RBFOX1: variants seen among roughly 807,000 people sequenced by gnomAD.
RBFOX1 encodes RNA binding protein fox-1 homolog 1.
In RBFOX1, 8 loss-of-function variants were observed where a neutral mutation model predicts 57.7. The observed-to-expected ratio is 0.14, with a 90% CI of 0.08 to 0.25. RBFOX1 has a LOEUF of 0.25. Among genes scored for constraint, RBFOX1 ranks in the 10% least tolerant of loss-of-function variants. The pLI, the probability that RBFOX1 is intolerant of heterozygous loss-of-function variation, is 1.00. For synonymous variants in RBFOX1, 326 were observed against 222.4 expected (o/e 1.47, Z -4.15); for missense variants, 611 against 548.5 (o/e 1.11, Z -1.14).
At chr16:5,460,081 G>A (rs979208331) in intron 1 of RBFOX1, among the ~76,000 whole-genome samples, 18 of 152,158 alleles carry the variant, frequency 1.2e-4, no homozygotes, top group African/African-American at 3.9e-4. Context: ...GACAGGTAAG[G>A]AGCTAGGAGT....
intron 4 of RBFOX1, among the ~76,000 whole-genome samples, chr16:7,292,051 C>A (rs1188074259): frequency 1.4e-5 from 1 of 73,486 alleles, no homozygotes; most frequent in African/African-American, 5.1e-5. Context: ...GTATATATTA[C>A]ATATTGTATA....
chr16:6,299,848 A>C (rs1473116457), intron 1 of RBFOX1, among the ~76,000 whole-genome samples: 2 of 152,192 alleles, frequency 1.3e-5, no homozygotes, highest in African/African-American at 4.8e-5. Flanking sequence ...ATGGCATTAA[A>C]AACACCAACC....
chr16:5,751,192 G>A (rs892653847), intron 3 of RBFOX1, among the ~76,000 whole-genome samples: 21 of 152,222 alleles, frequency 1.4e-4, no homozygotes, highest in South Asian at 4.2e-4. Flanking sequence ...AGCTCTCCCC[G>A]AAGGCTGTAA....
At chr16:6,187,862 CTGTT>C (rs1274970294) in intron 1 of RBFOX1, among the ~76,000 whole-genome samples, 1 of 152,140 alleles carries the variant, frequency 6.6e-6, no homozygotes, top group Non-Finnish European at 1.5e-5. Context: ...CCATTGTTAA[CTGTT>C]TGGCACATGT....
chr16:5,294,985 G>A lies in RBFOX1; in HGVS notation c.219+54880G>A, dbSNP rs531235426. Among the ~76,000 whole-genome samples the A allele has an allele frequency of 2.3e-5, 3 of 130,140 alleles. No homozygotes were observed. The South Asian group carries it at 7.8e-4, about 34-fold the overall frequency. 85.4% of individuals were successfully genotyped at this position (130,140 alleles called of 152,430 possible). A position where few individuals can be genotyped will look rare whatever the true frequency, so the allele number is the denominator to read the frequency against. ...GCAGAGACTGCAGTGAGCCGAGATC[G>A]CACCATTGCACTCCAGCCTGGGTGA... On this transcript the variant is annotated intron_variant, in intron 1 of 2. Transcript: ENST00000585867.
intron 2 of RBFOX1, among the ~76,000 whole-genome samples, chr16:6,592,881 T>C (rs1205339635): frequency 6.6e-6 from 1 of 152,180 alleles, no homozygotes; most frequent in East Asian, 1.9e-4. Flanking sequence ...TTCTTGAGCA[T>C]GTGATTATGC....
intron 2 of RBFOX1, among the ~76,000 whole-genome samples, chr16:6,340,044 T>C (rs1347912149): frequency 6.6e-6 from 1 of 152,028 alleles, no homozygotes; most frequent in African/African-American, 2.4e-5. Context: ...ACAGGAACAA[T>C]GGGGATGCAA....
intron 1 of RBFOX1, among the ~76,000 whole-genome samples, chr16:6,249,121 C>T (rs1475195712): frequency 6.6e-6 from 1 of 152,158 alleles, no homozygotes; most frequent in African/African-American, 2.4e-5. Flanking sequence ...CCCCACCAAC[C>T]TACTCAAGAT....
chr16:5,956,460 T>C (rs1484567300), intron 4 of RBFOX1, among the ~76,000 whole-genome samples: 1 of 151,568 alleles, frequency 6.6e-6, no homozygotes, highest in African/African-American at 2.4e-5. Flanking sequence ...GAGATGCAAG[T>C]TACTGTACAG....
At chr16:7,009,728 A>C (rs1248751187) in intron 3 of RBFOX1, among the ~76,000 whole-genome samples, 1 of 152,214 alleles carries the variant, frequency 6.6e-6, no homozygotes, top group Non-Finnish European at 1.5e-5. Context: ...AATCAGCCTG[A>C]TACCACAGTA....
chr16:6,878,116 G>C (rs779995232), intron 3 of RBFOX1, among the ~76,000 whole-genome samples: 1 of 152,136 alleles, frequency 6.6e-6, no homozygotes, highest in African/African-American at 2.4e-5. Flanking sequence ...TGTATGCAAG[G>C]ACTTCTAAGA....
At chr16:6,463,585 A>G (rs891758733) in intron 2 of RBFOX1, among the ~76,000 whole-genome samples, 1 of 152,132 alleles carries the variant, frequency 6.6e-6, no homozygotes, top group African/African-American at 2.4e-5. Flanking sequence ...AAGGAAGAGT[A>G]TTGACTTTCA....
chr16:7,676,420 G>A (rs1285554266), intron 13 of RBFOX1, among the ~76,000 whole-genome samples: 2 of 152,110 alleles, frequency 1.3e-5, no homozygotes, highest in Non-Finnish European at 2.9e-5. Context: ...AAACAATTTT[G>A]AAAATCTGGA....
intron 2 of RBFOX1, among the ~76,000 whole-genome samples, chr16:5,561,154 A>G (rs2045877264): frequency 2.0e-5 from 3 of 152,180 alleles, no homozygotes; most frequent in Admixed American, 2.0e-4. Context: ...GAAAATGGGT[A>G]GACATGGCTT....
intron 1 of RBFOX1, among the ~76,000 whole-genome samples, chr16:6,250,922 T>C (rs1294917414): frequency 6.6e-6 from 1 of 152,150 alleles, no homozygotes; most frequent in South Asian, 2.1e-4. Flanking sequence ...TCCATTAGTG[T>C]AGATAATTGA....
chr16:6,494,280 G>C (rs1189807650), intron 2 of RBFOX1, among the ~76,000 whole-genome samples: 2 of 152,058 alleles, frequency 1.3e-5, no homozygotes, highest in South Asian at 4.1e-4. Context: ...CAACTTCATC[G>C]TGTGTAGGTT....
intron 4 of RBFOX1, among the ~76,000 whole-genome samples, chr16:7,448,447 AG>A (rs961310743): frequency 3.6e-4 from 55 of 152,212 alleles, no homozygotes; most frequent in African/African-American, 1.3e-3. Flanking sequence ...ACATGGCGGC[AG>A]GCAAGAGAGT....
At chr16:5,723,041 T>G (rs562541019) in intron 3 of RBFOX1, among the ~76,000 whole-genome samples, 15 of 152,204 alleles carry the variant, frequency 9.9e-5, no homozygotes, top group Non-Finnish European at 1.2e-4. Context: ...CACAAATCCA[T>G]CACAAACTGC....
intron 3 of RBFOX1, among the ~76,000 whole-genome samples, chr16:6,866,728 G>C (rs1247686387): frequency 6.6e-6 from 1 of 151,590 alleles, no homozygotes; most frequent in African/African-American, 2.4e-5. Context: ...ATTTTTAGTA[G>C]AGAAGGGGTT....
Sources: allele counts gnomAD v4.1 joint callset (sites outside exome capture counted in the v4.1 genomes callset), GRCh38; gene constraint gnomAD v4.1.1; transcripts MANE v1.5; gene names NCBI Gene and HGNC (gene_info 2026-07-23, HGNC 2026-07-21).